PDE1C: variants seen among roughly 807,000 people sequenced by gnomAD.
The protein encoded by PDE1C is phosphodiesterase 1C.
PDE1C carries 62 observed loss-of-function variants against 93.1 expected under a neutral mutation model. The ratio of observed to expected loss-of-function variants is 0.67; its 90% CI spans 0.54 to 0.82. PDE1C has a LOEUF of 0.82. Among genes scored for constraint, PDE1C ranks in the 40% least tolerant of loss-of-function variants. PDE1C has a pLI of 0.00. For missense variants in PDE1C, 742 were observed against 884.6 expected (o/e 0.84, Z 2.04); for synonymous variants, 325 against 310.1 (o/e 1.05, Z -0.50).
rs1584610456 is a variant in PDE1C, at chr7:32,051,690, G to T, written c.102-110C>A. The T allele has an allele frequency of 1.9e-5, 16 of 838,756 alleles. No individual in the cohort carries two copies. The South Asian group carries it at 2.3e-4, about 12-fold the overall frequency. The allele number at this position is 838,756 out of a possible 1,614,324, so 52.0% of individuals were successfully genotyped here. A position where few individuals can be genotyped will look rare whatever the true frequency, so the allele number is the denominator to read the frequency against. ...ATGGGGGTCAACACTTCTTAGGGGG[G>T]TTTCTCTGTGAAGCTTATGGGTTTC... On this transcript the variant is annotated intron_variant, in intron 1 of 17. Coordinates refer to ENST00000396191, the MANE Select transcript of PDE1C (RefSeq NM_001191057.4).
At chr7:31,960,440 C>G (rs1808783999) in intron 2 of PDE1C, among the ~76,000 whole-genome samples, 1 of 152,004 alleles carries the variant, frequency 6.6e-6, no homozygotes, top group Admixed American at 6.6e-5. Flanking sequence ...TTCAAATTAC[C>G]AAGGTCATGA....
At chr7:32,128,906 A>ATATATATAT (rs1799741717) in intron 3 of PDE1C, among the ~76,000 whole-genome samples, 2 of 56,000 alleles carry the variant, frequency 3.6e-5, no homozygotes, top group African/African-American at 1.3e-4. Flanking sequence ...AAGTATAACA[A>ATATATATAT]ATATATATAT....
At chr7:32,098,640 C>T (rs1362225839) in intron 3 of PDE1C, among the ~76,000 whole-genome samples, 1 of 152,124 alleles carries the variant, frequency 6.6e-6, no homozygotes, top group Non-Finnish European at 1.5e-5. Flanking sequence ...TACTTTATTA[C>T]GTTGGAGATA....
chr7:32,080,652 C>T (rs1266164265), intron 3 of PDE1C, among the ~76,000 whole-genome samples: 6 of 152,180 alleles, frequency 3.9e-5, no homozygotes, highest in Non-Finnish European at 8.8e-5. Flanking sequence ...TGACTCAGCA[C>T]ACAAGGGGAA....
intron 2 of PDE1C, among the ~76,000 whole-genome samples, chr7:31,937,064 G>A (rs1302583406): frequency 6.6e-6 from 1 of 152,180 alleles, no homozygotes; most frequent in Non-Finnish European, 1.5e-5. Flanking sequence ...TGTAGAAACA[G>A]TTGAAGTCAG....
At chr7:32,004,931 G>T (rs959522876) in intron 2 of PDE1C, among the ~76,000 whole-genome samples, 6 of 152,096 alleles carry the variant, frequency 3.9e-5, no homozygotes, top group African/African-American at 1.2e-4. Flanking sequence ...GAAAACTGAG[G>T]TCTCTTCTGA....
rs183953564 is a variant in PDE1C at position 31,985,497 on chromosome 7, T to C, written c.128+66057A>G. Among the ~76,000 whole-genome samples the C allele has an allele frequency of 4.9e-3, 740 of 152,304 alleles. 7 individuals carry two copies. Among genetic ancestry groups the C allele is most frequent in the African/African-American group, 0.017 (709 of 41,548 alleles). On this transcript the variant is annotated intron_variant, in intron 2 of 17. Transcript: ENST00000396191. ...TGCAGGTTTGATACATAGCTATACA[T>C]GTGCCATGTTGGTTTCCTGCACCCA...
chr7:32,184,413 A>G (rs1235976279), intron 2 of PDE1C, among the ~76,000 whole-genome samples: 3 of 152,222 alleles, frequency 2.0e-5, no homozygotes, highest in African/African-American at 7.2e-5. Context: ...ATGTCCAACA[A>G]TGATAGACTG....
At chr7:32,287,870 G>C (rs745410047) in intron 1 of PDE1C, among the ~76,000 whole-genome samples, 11 of 152,202 alleles carry the variant, frequency 7.2e-5, no homozygotes, top group Non-Finnish European at 1.5e-4. Flanking sequence ...AATCTACAAT[G>C]GTTCCCAGGT....
At chr7:32,186,730 T>C (rs1375768391) in intron 2 of PDE1C, among the ~76,000 whole-genome samples, 1 of 152,208 alleles carries the variant, frequency 6.6e-6, no homozygotes, top group African/African-American at 2.4e-5. Context: ...GAGTATGTCC[T>C]ACATAATCTA....
At chr7:32,087,239 C>A (rs889516414) in intron 3 of PDE1C, among the ~76,000 whole-genome samples, 274 of 149,558 alleles carry the variant, frequency 1.8e-3, no homozygotes, top group African/African-American at 6.7e-3. Flanking sequence ...AGCCAAAAGA[C>A]ACATGAAAAA....
At chr7:32,045,239 C>T (rs1439969661) in intron 2 of PDE1C, among the ~76,000 whole-genome samples, 1 of 151,932 alleles carries the variant, frequency 6.6e-6, no homozygotes, top group African/African-American at 2.4e-5. Flanking sequence ...AATTGTAGTG[C>T]TTTTTGGCCC....
rs1423690990 is a variant in PDE1C at position 31,879,414 on chromosome 7, A to T, written c.243-236T>A. ...AGGATGGTTCTCTCTACCAGACTGGACAAAGGAACTGGTCCATTGTACCCA... is the reference window on the plus strand; with the variant it reads ...AGGATGGTTCTCTCTACCAGACTGGTCAAAGGAACTGGTCCATTGTACCCA... On this transcript the variant is annotated intron_variant, in intron 3 of 17. Coordinates refer to ENST00000396191, the MANE Select transcript of PDE1C (RefSeq NM_001191057.4). The T allele has an allele frequency of 6.5e-6, 3 of 458,408 alleles. 1 individual carries two copies. Among genetic ancestry groups the T allele is most frequent in the Non-Finnish European group, 1.2e-5 (3 of 254,298 alleles). 28.4% of individuals were successfully genotyped at this position (458,408 alleles called of 1,614,324 possible).
At chr7:32,009,309 G>T (rs970150581) in intron 2 of PDE1C, among the ~76,000 whole-genome samples, 5 of 152,282 alleles carry the variant, frequency 3.3e-5, no homozygotes, top group African/African-American at 1.2e-4. Flanking sequence ...TGGAGTTGGG[G>T]TTCCAGGAAG....
the PDE1C span, among the ~76,000 whole-genome samples, chr7:31,705,464 A>G: frequency 6.0e-4 from 89 of 148,414 alleles, no homozygotes; most frequent in Non-Finnish European, 1.1e-3. Flanking sequence ...TGTACGAGAA[A>G]TATCTCCCAC....
intron 1 of PDE1C, among the ~76,000 whole-genome samples, chr7:32,320,622 TACACAC>T (rs58913478): frequency 2.5e-4 from 38 of 149,654 alleles, no homozygotes; most frequent in African/African-American, 7.8e-4. Context: ...GGCACACACA[TACACAC>T]ACACACACAC....
At chr7:31,974,054 A>G (rs1811317385) in intron 2 of PDE1C, among the ~76,000 whole-genome samples, 1 of 152,218 alleles carries the variant, frequency 6.6e-6, no homozygotes, top group African/African-American at 2.4e-5. Flanking sequence ...AATTAAGCTT[A>G]TACTAAAGTT....
intron 13 of PDE1C, 71 bp from the exon 14 acceptor site, chr7:31,823,319 A>G (rs1000476592): frequency 2.7e-5 from 35 of 1,319,950 alleles, no homozygotes; most frequent in Non-Finnish European, 3.7e-5. Context: ...GAGCAAGCCC[A>G]GAGGAGGAAT....
chr7:31,730,431 C>G, the PDE1C span, among the ~76,000 whole-genome samples: 280 of 152,290 alleles, frequency 1.8e-3, 1 homozygote, highest in African/African-American at 6.4e-3. Context: ...TCCCAGCCAC[C>G]CTTCCACTAC....
Sources: gnomAD v4.1 joint callset for allele counts (sites outside exome capture counted in the v4.1 genomes callset) on GRCh38, gnomAD v4.1.1 for gene constraint, MANE v1.5 for transcripts, NCBI Gene and HGNC (gene_info 2026-07-23, HGNC 2026-07-21) for gene names.